Variants in GRM5 observed in about 807,000 individuals in gnomAD.
GRM5 encodes the protein metabotropic glutamate receptor 5.
Under a neutral mutation model 83.1 loss-of-function variants are expected in GRM5, and 19 were observed. The observed-to-expected ratio is 0.23, with a 90% CI of 0.16 to 0.34. The LOEUF (loss-of-function observed/expected upper bound fraction) is 0.34. GRM5 is among the 10% of genes least tolerant of loss of function. The pLI, the probability that GRM5 is intolerant of heterozygous loss-of-function variation, is 1.00. For synonymous variants in GRM5, 675 were observed against 633.6 expected (o/e 1.07, Z -0.98); for missense variants, 1,160 against 1,588.3 (o/e 0.73, Z 4.58).
intron 2 of GRM5, among the ~76,000 whole-genome samples, chr11:88,912,492 A>G (rs1365743365): frequency 1.6e-5 from 2 of 127,944 alleles, no homozygotes; most frequent in Non-Finnish European, 3.2e-5. Context: ...CACTTTTGCC[A>G]TGGAGATCAT....
chr11:88,967,150 A>G (rs968419367), intron 2 of GRM5, among the ~76,000 whole-genome samples: 1 of 151,582 alleles, frequency 6.6e-6, no homozygotes, highest in African/African-American at 2.4e-5. Flanking sequence ...AAGCATAATG[A>G]ATTCCTTAAT....
At chr11:88,525,737 T>G (rs1941858649) in intron 8 of GRM5, among the ~76,000 whole-genome samples, 1 of 152,210 alleles carries the variant, frequency 6.6e-6, no homozygotes, top group South Asian at 2.1e-4. Flanking sequence ...AATCAACACA[T>G]TAGAATCTAT....
chr11:88,956,026 T>C (rs1938601283), intron 2 of GRM5, among the ~76,000 whole-genome samples: 1 of 152,244 alleles, frequency 6.6e-6, no homozygotes, highest in South Asian at 2.1e-4. Context: ...TTGTATTTTG[T>C]CTTGCTAACG....
intron 2 of GRM5, among the ~76,000 whole-genome samples, chr11:88,902,043 G>A (rs1432543477): frequency 6.6e-6 from 1 of 151,966 alleles, no homozygotes; most frequent in African/African-American, 2.4e-5. Flanking sequence ...ATTCTTTATG[G>A]TTTAGACGAT....
At chr11:88,734,965 T>C (rs1473885718) in intron 3 of GRM5, among the ~76,000 whole-genome samples, 6 of 152,062 alleles carry the variant, frequency 3.9e-5, no homozygotes, top group Non-Finnish European at 7.4e-5. Flanking sequence ...AATTAGATAG[T>C]AACATATTAA....
rs538925732 is a variant in GRM5, at chr11:88,908,989, C to A, written c.662-58834G>T. Among the ~76,000 whole-genome samples the A allele has an allele frequency of 3.3e-5, 5 of 152,172 alleles. No individual in the cohort carries two copies. In the East Asian group the frequency reaches 9.7e-4, roughly 29 times the overall value. On this transcript the variant is annotated intron_variant, in intron 2 of 9. Transcript: ENST00000305447. ...ACCCTAATCACTTTGAACTTGGCAG[C>A]CTGTTAGTGGTAAGACTTGGACTTT...
At chr11:88,882,404 A>C (rs929346287) in intron 2 of GRM5, among the ~76,000 whole-genome samples, 2 of 150,764 alleles carry the variant, frequency 1.3e-5, no homozygotes, top group Non-Finnish European at 3.0e-5. Context: ...ACAAAAAAAA[A>C]AAAAAAATTA....
intron 3 of GRM5, among the ~76,000 whole-genome samples, chr11:88,667,872 G>C (rs550665264): frequency 7.3e-5 from 11 of 151,092 alleles, no homozygotes; most frequent in Non-Finnish European, 1.3e-4. Flanking sequence ...CAGCATGGGC[G>C]ACAGAGGGAG....
intron 7 of GRM5, among the ~76,000 whole-genome samples, chr11:88,587,233 A>C (rs1943334657): frequency 6.6e-6 from 1 of 152,138 alleles, no homozygotes; most frequent in African/African-American, 2.4e-5. Flanking sequence ...TATATCAAAG[A>C]AAGCTTCATA....
chr11:88,678,430 CTACATAATTACTTCTT>C (rs1252961176), intron 3 of GRM5, among the ~76,000 whole-genome samples: 1 of 152,118 alleles, frequency 6.6e-6, no homozygotes, highest in Admixed American at 6.6e-5. Flanking sequence ...ACCACACCAT[CTACATAATTACTTCTT>C]TCATCTGCTC....
chr11:88,857,685 A>G (rs1944498927), intron 2 of GRM5, among the ~76,000 whole-genome samples: 1 of 152,118 alleles, frequency 6.6e-6, no homozygotes, highest in African/African-American at 2.4e-5. Context: ...TCATTTGTTT[A>G]TATTTATCTC....
chr11:89,009,223 A>C, intron 2 of GRM5: 2 of 563,580 alleles, frequency 3.5e-6, no homozygotes, highest in Non-Finnish European at 6.4e-6. Context: ...GCATACCAAG[A>C]TGTAATGTCA....
intron 3 of GRM5, among the ~76,000 whole-genome samples, chr11:88,686,725 G>A (rs1940631626): frequency 6.6e-6 from 1 of 152,060 alleles, no homozygotes; most frequent in Non-Finnish European, 1.5e-5. Flanking sequence ...AGGGGTTTCC[G>A]CTTTTGCATC....
intron 3 of GRM5, among the ~76,000 whole-genome samples, chr11:88,722,402 C>A (rs1022018000): frequency 3.3e-5 from 5 of 152,082 alleles, no homozygotes; most frequent in Non-Finnish European, 5.9e-5. Context: ...GCTGTGACTG[C>A]GTTTTCAACA....
chr11:88,621,416 G>C (rs895235230), intron 4 of GRM5, among the ~76,000 whole-genome samples: 114 of 152,152 alleles, frequency 7.5e-4, no homozygotes, highest in African/African-American at 2.6e-3. Flanking sequence ...TTCCCAGGTA[G>C]AATTGAAAAT....
At chr11:88,819,121 G>A (rs1038449946) in intron 3 of GRM5, among the ~76,000 whole-genome samples, 2 of 152,134 alleles carry the variant, frequency 1.3e-5, no homozygotes, top group Non-Finnish European at 2.9e-5. Context: ...TGCTTCCAAA[G>A]AGAGAGAGGC....
At chr11:88,843,804 T>C (rs1944249853) in intron 3 of GRM5, among the ~76,000 whole-genome samples, 1 of 152,210 alleles carries the variant, frequency 6.6e-6, no homozygotes, top group Admixed American at 6.5e-5. Context: ...GGAGAAAGTT[T>C]TCATGGTCTT....
At chr11:88,707,767 A>C (rs1941196089) in intron 3 of GRM5, among the ~76,000 whole-genome samples, 2 of 152,144 alleles carry the variant, frequency 1.3e-5, no homozygotes, top group Admixed American at 6.6e-5. Flanking sequence ...TTTGGAGAGA[A>C]AGGACATTTA....
intron 2 of GRM5, among the ~76,000 whole-genome samples, chr11:89,044,545 T>C (rs376832069): frequency 6.6e-6 from 1 of 152,126 alleles, no homozygotes; most frequent in Non-Finnish European, 1.5e-5. Flanking sequence ...TAGGTTTAAG[T>C]ATAAAACACA....
Sources: gnomAD v4.1 joint callset for allele counts (sites outside exome capture counted in the v4.1 genomes callset) on GRCh38, gnomAD v4.1.1 for gene constraint, MANE v1.5 for transcripts, NCBI Gene and HGNC (gene_info 2026-07-23, HGNC 2026-07-21) for gene names.